Variants in CALCOCO1 observed in about 807,000 individuals in gnomAD.
CALCOCO1 encodes the protein calcium-binding and coiled-coil domain-containing protein 1.
A neutral mutation model predicts 86.3 loss-of-function variants in CALCOCO1; 44 were observed. The ratio of observed to expected loss-of-function variants is 0.51; its 90% CI spans 0.40 to 0.66. The LOEUF (loss-of-function observed/expected upper bound fraction) is 0.66, where lower values mean the gene tolerates loss of function less well. Ranked by LOEUF, CALCOCO1 falls within the 30% of genes least tolerant of loss-of-function variation. CALCOCO1 has a pLI of 0.00. For synonymous variants in CALCOCO1, 297 were observed against 327.6 expected (o/e 0.91, Z 1.01); for missense variants, 708 against 851.1 (o/e 0.83, Z 2.09).
chr12:53,712,891 A>G, intron 14 of CALCOCO1: 1 of 1,455,222 alleles, frequency 6.9e-7, no homozygotes, highest in South Asian at 1.2e-5. Flanking sequence ...CTCTGAGTGC[A>G]TTGATAAGAT....
rs905765408 is a variant in CALCOCO1, at chr12:53,715,634, G to C, written c.1260+159C>G. 6.9e-5 allele frequency: 68 copies of C among 980,562 alleles called. 1 individual carries two copies. The African/African-American group carries it at 9.8e-4, about 14-fold the overall frequency. The allele number at this position is 980,562 out of a possible 1,614,324, so 60.7% of individuals were successfully genotyped here. A position where few individuals can be genotyped will look rare whatever the true frequency, so the allele number is the denominator to read the frequency against. ...CCCGGTTAGGGATGGGTCATGCCTA[G>C]AAAGTAAAGTGTACCTCCCTCAAAG... On this transcript the variant is annotated intron_variant, in intron 9 of 14. Coordinates refer to ENST00000550804, the MANE Select transcript of CALCOCO1 (RefSeq NM_020898.3).
intron 7 of CALCOCO1, among the ~76,000 whole-genome samples, chr12:53,717,065 T>C (rs1451388262): frequency 6.6e-6 from 1 of 152,220 alleles, no homozygotes; most frequent in Non-Finnish European, 1.5e-5. Flanking sequence ...TAAATACAGT[T>C]ATTTTCTTTT....
rs772683689 is a variant in CALCOCO1 at position 53,722,103 on chromosome 12, C to T, written c.531G>A (p.Leu177=). The T allele has an allele frequency of 2.5e-6, 4 of 1,613,840 alleles. No homozygotes were observed. Among genetic ancestry groups the T allele is most frequent in the East Asian group, 4.5e-5 (2 of 44,892 alleles). The change falls in exon 5 of 15, where the codon CTG becomes CTA. Residue 177 remains leucine (L), a synonymous_variant. Coordinates refer to ENST00000550804, the MANE Select transcript of CALCOCO1 (RefSeq NM_020898.3). ...KLQLEGQVTE[L]RSRVQELERA... ...TCTCGAGCTCCTGCACTCGGCTCCT[C>T]AGCTCTGTCACCTGTCCCTCCAGCT...
intron 11 of CALCOCO1, 71 bp from the exon 12 acceptor site, chr12:53,714,312 T>A: frequency 8.4e-7 from 1 of 1,191,860 alleles, no homozygotes; most frequent in East Asian, 2.3e-5. Flanking sequence ...CTGCAGAAGC[T>A]GCACCCAAGA....
chr12:53,710,494 T>C lies in CALCOCO1; in HGVS notation c.*1450A>G, dbSNP rs971363428. 1 of 152,512 alleles carries C rather than the reference T, an allele frequency of 6.6e-6. No individual in the cohort carries two copies. The highest frequency in any genetic ancestry group is 2.4e-5 in the African/African-American group (1 of 41,442). 9.4% of individuals were successfully genotyped at this position (152,512 alleles called of 1,614,324 possible). A position where few individuals can be genotyped will look rare whatever the true frequency, so the allele number is the denominator to read the frequency against. The stretch of plus-strand genomic sequence containing the variant: ...CCATTGCTGAGAGCCTTGGTGAGCG[T>C]GCAGGTCCTTAACAAATGCTTTACG... On this transcript the variant is annotated 3_prime_UTR_variant, in exon 15 of 15. Coordinates refer to ENST00000550804, the MANE Select transcript of CALCOCO1 (RefSeq NM_020898.3).
At chr12:53,722,237 G>T in intron 4 of CALCOCO1, 54 bp from the exon 5 acceptor site, 3 of 1,597,074 alleles carry the variant, frequency 1.9e-6, no homozygotes, top group Non-Finnish European at 1.7e-6. Flanking sequence ...CCCTTCTAAG[G>T]TCCCATCCTC....
chr12:53,712,846 G>A (rs977221386), intron 14 of CALCOCO1: 3 of 1,455,584 alleles, frequency 2.1e-6, no homozygotes, highest in South Asian at 1.2e-5. Flanking sequence ...AGAAGATGGT[G>A]CTAGAACAAC....
At position 53,712,014 on chromosome 12, in the gene CALCOCO1, T is replaced by C. The variant is rs1945571018; in HGVS notation, c.2006A>G (p.Lys669Arg). The C allele has an allele frequency of 1.2e-6, 2 of 1,610,690 alleles. No homozygotes were observed. Among genetic ancestry groups the C allele is most frequent in the Non-Finnish European group, 1.7e-6 (2 of 1,178,600 alleles). Residue 669 changes from lysine to arginine, a missense_variant, in exon 15 of 15, where the codon AAG becomes AGG. Coordinates refer to ENST00000550804, the MANE Select transcript of CALCOCO1 (RefSeq NM_020898.3). ...CKERFPAESD[K>R]DALEDHMDGH... Reference sequence around the variant, plus strand: ...ATCCATGTGGTCCTCCAGGGCATCCTTGTCACTCTCAGCAGGAAAGCGCTC... The same window carrying C: ...ATCCATGTGGTCCTCCAGGGCATCCCTGTCACTCTCAGCAGGAAAGCGCTC...
At chr12:53,724,265 C>A in intron 3 of CALCOCO1, 1 of 379,146 alleles carries the variant, frequency 2.6e-6, no homozygotes, top group South Asian at 2.0e-5. Flanking sequence ...TTAAGATAAC[C>A]GACACAGGGA....
Position 53,713,126 on chromosome 12 carries a change from C to A in CALCOCO1, c.1872G>T (p.Leu624=). ...GEEANLLLPE[L]GSAFYDMASG... ...TGGCCATGTCATAGAAGGCACTGCC[C>A]AGTTCAGGAAGCAGTAAGTTGGCCT... The change falls in exon 14 of 15, where the codon CTG becomes CTT. Residue 624 remains leucine, a synonymous_variant. Coordinates refer to ENST00000550804, the MANE Select transcript of CALCOCO1 (RefSeq NM_020898.3). The A allele has an allele frequency of 6.2e-7, 1 of 1,614,118 alleles. No homozygotes were observed. The highest frequency in any genetic ancestry group is 8.5e-7 in the Non-Finnish European group (1 of 1,179,994).
chr12:53,714,537 A>C, intron 11 of CALCOCO1, 61 bp downstream of exon 11: 1 of 1,275,126 alleles, frequency 7.8e-7, no homozygotes, highest in East Asian at 2.3e-5. Flanking sequence ...GAATTTACAA[A>C]GTTTCTAGCC....
At chr12:53,715,396 C>T in intron 9 of CALCOCO1, 71 bp from the exon 10 acceptor site, 1 of 1,576,922 alleles carries the variant, frequency 6.3e-7, no homozygotes, top group Non-Finnish European at 8.7e-7. Context: ...GTCAACAGCA[C>T]CATCCCTTAC....
chr12:53,726,687 C>G lies in CALCOCO1; in HGVS notation c.-25+717G>C, dbSNP rs368103414. Among the ~76,000 whole-genome samples the G allele has an allele frequency of 9.3e-4, 141 of 152,192 alleles. 3 individuals are homozygous for G. In the South Asian group the frequency reaches 0.027, roughly 29 times the overall value. On this transcript the variant is annotated intron_variant, in intron 1 of 14. Coordinates refer to ENST00000550804, the MANE Select transcript of CALCOCO1 (RefSeq NM_020898.3). The stretch of plus-strand genomic sequence containing the variant: ...CACAAAAAGGAGCAACTTCTGTCCC[C>G]CAAATAGGTAGAACAAAAAGTTTTT...
chr12:53,717,841 T>C (rs11170659), intron 7 of CALCOCO1, among the ~76,000 whole-genome samples: 22,397 of 152,124 alleles, frequency 0.15, 1,836 homozygotes, highest in South Asian at 0.22. Context: ...CTGGCCAACA[T>C]GGTGAAACCC....
In CALCOCO1 at chr12:53,722,076, C is replaced by G. The variant is rs765101492; in HGVS notation, c.558G>C (p.Arg186Ser). The part of the protein sequence containing the change: ...ELRSRVQELE[R>S]ALATARQEHT... Reference sequence around the variant, plus strand: ...GCTCCTGCCTGGCAGTTGCCAGAGCCCTCTCGAGCTCCTGCACTCGGCTCC... The same window carrying G: ...GCTCCTGCCTGGCAGTTGCCAGAGCGCTCTCGAGCTCCTGCACTCGGCTCC... Residue 186 changes from arginine to serine, a missense_variant, in exon 5 of 15, where the codon AGG (arginine) becomes AGC (serine). By Grantham distance (110) the Arg-to-Ser change is moderately radical. Coordinates refer to ENST00000550804, the MANE Select transcript of CALCOCO1 (RefSeq NM_020898.3). 8.7e-6 allele frequency: 14 copies of G among 1,613,792 alleles called. No individual in the cohort carries two copies. In the Admixed American group the frequency reaches 1.7e-4, roughly 19 times the overall value.
At position 53,725,027 on chromosome 12, in the gene CALCOCO1, C is replaced by T. The variant is rs1241649836; in HGVS notation, c.156+60G>A. ...TTGAGAATCCAAGAGCCCAATCATT[C>T]CCCTTATTCCAACCAACTCACAGCC... is the stretch of plus-strand genomic sequence containing the variant. On this transcript the variant is annotated intron_variant, in intron 2 of 14. Coordinates refer to ENST00000550804, the MANE Select transcript of CALCOCO1 (RefSeq NM_020898.3). 1.2e-5 allele frequency: 18 copies of T among 1,485,818 alleles called. No individual in the cohort carries two copies. In the East Asian group the frequency reaches 4.1e-4, roughly 34 times the overall value. The allele number at this position is 1,485,818 out of a possible 1,614,324, so 92.0% of individuals were successfully genotyped here.
At chr12:53,714,786 C>T in intron 10 of CALCOCO1, 93 bp from the exon 11 acceptor site, 1 of 801,586 alleles carries the variant, frequency 1.2e-6, no homozygotes, top group Non-Finnish European at 2.1e-6. Context: ...AGAACCAGGT[C>T]TCCCCATGCC....
intron 2 of CALCOCO1, 61 bp downstream of exon 2, chr12:53,725,026 T>G (rs1484928166): frequency 6.8e-7 from 1 of 1,480,578 alleles, no homozygotes; most frequent in Non-Finnish European, 9.1e-7. Flanking sequence ...GCCCAATCAT[T>G]CCCCTTATTC....
chr12:53,723,954 C>T (rs1400514822), intron 3 of CALCOCO1, 171 bp from the exon 4 acceptor site: 3 of 612,468 alleles, frequency 4.9e-6, no homozygotes, highest in South Asian at 4.0e-5. Flanking sequence ...AACCCACTGC[C>T]CCTCTATCAT....
Sources: gnomAD v4.1 joint callset for allele counts (sites outside exome capture counted in the v4.1 genomes callset) on GRCh38, gnomAD v4.1.1 for gene constraint, MANE v1.5 for transcripts, NCBI Gene and HGNC (gene_info 2026-07-23, HGNC 2026-07-21) for gene names.